The following CYP20A1 variants were observed in gnomAD, a reference collection of about 807,000 sequenced individuals.
The protein encoded by CYP20A1 is cytochrome P450 20A1.
Under a neutral mutation model 61.4 loss-of-function variants are expected in CYP20A1, and 61 were observed. That is an observed-to-expected ratio of 0.99 (90% confidence interval 0.81 to 1.23). The LOEUF (loss-of-function observed/expected upper bound fraction) is 1.23, where lower values mean the gene tolerates loss of function less well. Ranked by LOEUF, CYP20A1 falls within the 50% of genes most tolerant of loss-of-function variation. The probability of loss-of-function intolerance (pLI) is 0.00; values close to 1 mark genes in which losing one functional copy is unlikely to be tolerated. For synonymous variants in CYP20A1, 193 were observed against 188.2 expected, an observed-to-expected ratio of 1.03 and a Z score of -0.21; for missense variants, 530 against 542.4, an observed-to-expected ratio of 0.98 and a Z score of 0.23.
At chr2:203,239,957 G>T (rs2066192428) in intron 1 of CYP20A1, among the ~76,000 whole-genome samples, 1 of 152,168 alleles carries the variant, frequency 6.6e-6, no homozygotes, top group Non-Finnish European at 1.5e-5. Flanking sequence ...TTAGCTGGCT[G>T]TGGTGGCGGG....
intron 4 of CYP20A1, among the ~76,000 whole-genome samples, chr2:203,252,505 G>A (rs1216039006): frequency 1.3e-5 from 2 of 151,722 alleles, no homozygotes; most frequent in Admixed American, 6.6e-5. Flanking sequence ...AGCAATTCTC[G>A]TGCCTCAGCC....
intron 8 of CYP20A1, among the ~76,000 whole-genome samples, chr2:203,283,769 G>A (rs1012458044): frequency 4.6e-5 from 7 of 151,404 alleles, no homozygotes; most frequent in South Asian, 4.2e-4. Flanking sequence ...GGATGGTCTC[G>A]TTCTCTTGAC....
At chr2:203,239,296 G>A (rs954048559) in intron 1 of CYP20A1, among the ~76,000 whole-genome samples, 162 bp downstream of exon 1, 2 of 152,270 alleles carry the variant, frequency 1.3e-5, no homozygotes, top group East Asian at 3.9e-4. Flanking sequence ...CCGGAGTCAC[G>A]TGACGCCCCT....
chr2:203,239,287 C>T (rs2066157495), intron 1 of CYP20A1, among the ~76,000 whole-genome samples, 153 bp downstream of exon 1: 1 of 152,136 alleles, frequency 6.6e-6, no homozygotes, highest in Non-Finnish European at 1.5e-5. Context: ...GGACCGCACC[C>T]GGAGTCACGT....
At chr2:203,266,718 G>T in intron 5 of CYP20A1, 37 bp downstream of exon 5, 6 of 1,579,816 alleles carry the variant, frequency 3.8e-6, no homozygotes, top group Non-Finnish European at 5.2e-6. Context: ...ACTCTTTCAG[G>T]CTGGGCACGG....
At chr2:203,239,937 A>G (rs1454399751) in intron 1 of CYP20A1, among the ~76,000 whole-genome samples, 1 of 152,200 alleles carries the variant, frequency 6.6e-6, no homozygotes, top group African/African-American at 2.4e-5. Context: ...CTCTACTAAA[A>G]ATACAAACAT....
At chr2:203,266,156 A>C (rs1428552882) in intron 4 of CYP20A1, among the ~76,000 whole-genome samples, 1 of 152,180 alleles carries the variant, frequency 6.6e-6, no homozygotes, top group Non-Finnish European at 1.5e-5. Flanking sequence ...ATTATGTCAC[A>C]GGCATTCTGT....
chr2:203,301,479 C>T lies in CYP20A1; in HGVS notation c.*4571C>T, dbSNP rs1489155305. ...TGAGACAGGGTCTCCCTGCGTCGCCCAGTCTTGTCTCAAACTCCTAGGCTC... is the reference window on the plus strand; with the variant it reads ...TGAGACAGGGTCTCCCTGCGTCGCCTAGTCTTGTCTCAAACTCCTAGGCTC... On this transcript the variant is annotated 3_prime_UTR_variant, in exon 13 of 13. Coordinates refer to ENST00000356079, the MANE Select transcript of CYP20A1 (RefSeq NM_177538.3). Among the ~76,000 whole-genome samples the T allele has an allele frequency of 1.3e-5, 2 of 151,886 alleles. No individual in the cohort carries two copies. Among genetic ancestry groups the T allele is most frequent in the Non-Finnish European group, 1.5e-5 (1 of 67,978 alleles).
chr2:203,242,114 T>C (rs541204993), intron 1 of CYP20A1, among the ~76,000 whole-genome samples: 19 of 152,304 alleles, frequency 1.2e-4, no homozygotes, highest in Admixed American at 2.0e-4. Flanking sequence ...AGCACTGGGA[T>C]TACAGGCATG....
At chr2:203,255,068 CCTTT>C (rs957151029) in intron 4 of CYP20A1, among the ~76,000 whole-genome samples, 4 of 152,024 alleles carry the variant, frequency 2.6e-5, no homozygotes, top group African/African-American at 9.7e-5. Flanking sequence ...CTTCTAAATG[CCTTT>C]CTAATTGATC....
chr2:203,276,140 G>C (rs1184352332), intron 6 of CYP20A1, among the ~76,000 whole-genome samples: 1 of 152,198 alleles, frequency 6.6e-6, no homozygotes, highest in Non-Finnish European at 1.5e-5. Flanking sequence ...TAGAGGAAAA[G>C]TAATTACAGA....
intron 4 of CYP20A1, among the ~76,000 whole-genome samples, chr2:203,257,942 C>A (rs986831104): frequency 6.6e-5 from 10 of 152,158 alleles, no homozygotes; most frequent in African/African-American, 1.9e-4. Context: ...CGCACTGTTG[C>A]CTGGGCTCAA....
At chr2:203,262,061 A>G (rs1477341138) in intron 4 of CYP20A1, among the ~76,000 whole-genome samples, 1 of 152,188 alleles carries the variant, frequency 6.6e-6, no homozygotes, top group Non-Finnish European at 1.5e-5. Flanking sequence ...AGCTTCAGAC[A>G]TCACAGTGGC....
At chr2:203,285,806 T>A in intron 9 of CYP20A1, 74 bp downstream of exon 9, 3 of 1,320,162 alleles carry the variant, frequency 2.3e-6, no homozygotes, top group South Asian at 2.0e-5. Flanking sequence ...AAGCTATTGT[T>A]GCTATCTAGG....
Position 203,251,789 on chromosome 2 carries a change from A to G in CYP20A1, c.290-178A>G, listed in dbSNP as rs867550536. Among the ~76,000 whole-genome samples the G allele has an allele frequency of 1.0e-3, 33 of 31,470 alleles. 1 individual carries two copies. The highest frequency in any genetic ancestry group is 2.3e-3 in the African/African-American group (25 of 10,836). The allele number at this position is 31,470 out of a possible 152,430, so 20.6% of individuals were successfully genotyped here. On this transcript the variant is annotated intron_variant, in intron 3 of 12. Coordinates refer to ENST00000356079, the MANE Select transcript of CYP20A1 (RefSeq NM_177538.3). Reference sequence around the variant, plus strand: ...TGTCTCAAAAGAAAACTATATATATATGTGTATATATATATATATATATAT... The same window carrying G: ...TGTCTCAAAAGAAAACTATATATATGTGTGTATATATATATATATATATAT...
chr2:203,287,012 G>A (rs973176484), intron 9 of CYP20A1, among the ~76,000 whole-genome samples: 2 of 149,962 alleles, frequency 1.3e-5, no homozygotes, highest in African/African-American at 4.9e-5. Context: ...GCCCAGGAGT[G>A]CAAGACCAGC....
rs966322637 is a variant in CYP20A1, at chr2:203,300,829, C to A, written c.*3921C>A. Among the ~76,000 whole-genome samples, 3 of 137,940 alleles carry A rather than the reference C, an allele frequency of 2.2e-5. No individual in the cohort carries two copies. Among genetic ancestry groups the A allele is most frequent in the African/African-American group, 8.2e-5 (3 of 36,578 alleles). The allele number at this position is 137,940 out of a possible 152,430, so 90.5% of individuals were successfully genotyped here. A position where few individuals can be genotyped will look rare whatever the true frequency, so the allele number is the denominator to read the frequency against. On this transcript the variant is annotated 3_prime_UTR_variant, in exon 13 of 13. Transcript: ENST00000356079. ...GCTTGAACCCGTGAGGCAGAGGTTG[C>A]GATGAGCCGAGATCGTGCCATTGCA...
chr2:203,302,699 CT>C lies in CYP20A1; in HGVS notation c.*5797del, dbSNP rs752308858. Among the ~76,000 whole-genome samples, 1 of 152,026 alleles carries C rather than the reference CT, an allele frequency of 6.6e-6. No individual in the cohort carries two copies. The highest frequency in any genetic ancestry group is 2.4e-5 in the African/African-American group (1 of 41,400). ...GGCACAGATTTTTGTCATTCTTTAT[CT>C]TTTTTGTGTGTGTGTGACAGAGTCT... On this transcript the variant is annotated 3_prime_UTR_variant, in exon 13 of 13. Transcript: ENST00000356079.
chr2:203,294,972 A>C (rs1456517390), intron 11 of CYP20A1, among the ~76,000 whole-genome samples: 1 of 18,360 alleles, frequency 5.4e-5, no homozygotes, highest in Non-Finnish European at 8.9e-5. Flanking sequence ...TTTTTTTTTG[A>C]GACAGAGTCT....
Sources: gnomAD v4.1 joint callset for allele counts (sites outside exome capture counted in the v4.1 genomes callset) on GRCh38, gnomAD v4.1.1 for gene constraint, MANE v1.5 for transcripts, NCBI Gene and HGNC (gene_info 2026-07-23, HGNC 2026-07-21) for gene names.